Variants in MACROD2 observed in about 807,000 individuals in gnomAD.
MACROD2 encodes the protein mono-ADP ribosylhydrolase 2, also known as ADP-ribose glycohydrolase MACROD2.
In MACROD2, 36 loss-of-function variants were observed where a neutral mutation model predicts 70.4. The ratio of observed to expected loss-of-function variants is 0.51; its 90% CI spans 0.39 to 0.68. The LOEUF (loss-of-function observed/expected upper bound fraction) is 0.68, where lower values mean the gene tolerates loss of function less well. Ranked by LOEUF, MACROD2 falls within the 30% of genes least tolerant of loss-of-function variation. The probability of loss-of-function intolerance (pLI) is 0.00; values close to 1 mark genes in which losing one functional copy is unlikely to be tolerated. For synonymous variants in MACROD2, 172 were observed against 178.8 expected, an observed-to-expected ratio of 0.96 and a Z score of 0.30; for missense variants, 496 against 538.4, an observed-to-expected ratio of 0.92 and a Z score of 0.78.
At chr20:15,979,978 C>T (rs1055470788) in intron 13 of MACROD2, among the ~76,000 whole-genome samples, 4 of 152,100 alleles carry the variant, frequency 2.6e-5, no homozygotes, top group Admixed American at 6.5e-5. Context: ...CCGAGCTCCC[C>T]GAATGCACAA....
chr20:15,717,971 T>A (rs1051310960), intron 8 of MACROD2, among the ~76,000 whole-genome samples: 1 of 151,932 alleles, frequency 6.6e-6, no homozygotes, highest in Non-Finnish European at 1.5e-5. Flanking sequence ...GGTCCTGAAA[T>A]GTCCTCATAG....
chr20:14,567,642 G>A (rs1374211891), intron 4 of MACROD2, among the ~76,000 whole-genome samples: 1 of 151,950 alleles, frequency 6.6e-6, no homozygotes, highest in Non-Finnish European at 1.5e-5. Flanking sequence ...TTTGATGGTT[G>A]GCTCCTCCTT....
rs193175263 is a variant in MACROD2, at chr20:15,019,168, C to T, written c.419-210772C>T. Among the ~76,000 whole-genome samples the T allele has an allele frequency of 8.3e-4, 126 of 152,010 alleles. 1 individual carries two copies. The highest frequency in any genetic ancestry group is 6.4e-3 in the East Asian group (33 of 5,156). ...CTTCCTCTGAACACACACACACGCG[C>T]GCGCGCGCGCGGAGAGAGTTTTCTT... On this transcript the variant is annotated intron_variant, in intron 5 of 17. Coordinates refer to ENST00000684519, the MANE Select transcript of MACROD2 (RefSeq NM_001351661.2).
intron 5 of MACROD2, among the ~76,000 whole-genome samples, chr20:15,017,420 C>T (rs2075130189): frequency 4.6e-5 from 7 of 152,192 alleles, no homozygotes; most frequent in Admixed American, 4.6e-4. Context: ...CAGCCTTCTT[C>T]CTGGCTGCTT....
intron 5 of MACROD2, among the ~76,000 whole-genome samples, chr20:14,903,039 C>CTTTTTTTTT (rs11483540): frequency 8.6e-6 from 1 of 116,756 alleles, no homozygotes; most frequent in African/African-American, 3.3e-5. Flanking sequence ...TTTTCTTTCC[C>CTTTTTTTTT]TTTTTTTTTT....
chr20:14,778,432 T>C (rs2072259980), intron 5 of MACROD2, among the ~76,000 whole-genome samples: 1 of 152,092 alleles, frequency 6.6e-6, no homozygotes, highest in South Asian at 2.1e-4. Flanking sequence ...TGTTCCCTTA[T>C]GTTGTAATTT....
At chr20:15,993,768 A>G (rs1458864961) in intron 15 of MACROD2, among the ~76,000 whole-genome samples, 1 of 152,206 alleles carries the variant, frequency 6.6e-6, no homozygotes, top group African/African-American at 2.4e-5. Flanking sequence ...ACAGGACAAT[A>G]CAACATATCC....
At chr20:14,647,080 C>T (rs1003456477) in intron 4 of MACROD2, among the ~76,000 whole-genome samples, 52 of 152,212 alleles carry the variant, frequency 3.4e-4, no homozygotes, top group African/African-American at 1.2e-3. Context: ...TCAGCATTTT[C>T]CCTCTAAAAC....
chr20:14,028,673 AG>A (rs2053209377), intron 2 of MACROD2, among the ~76,000 whole-genome samples: 1 of 152,142 alleles, frequency 6.6e-6, no homozygotes, highest in Non-Finnish European at 1.5e-5. Flanking sequence ...TGGCTAGGGA[AG>A]GGAGTTCTCC....
At chr20:15,712,720 C>A (rs1342070863) in intron 8 of MACROD2, among the ~76,000 whole-genome samples, 3 of 152,206 alleles carry the variant, frequency 2.0e-5, no homozygotes, top group Admixed American at 1.3e-4. Context: ...GGTCTCCTAA[C>A]CTTGCCTTTG....
chr20:15,499,917 G>A, intron 8 of MACROD2, 70 bp downstream of exon 8: 14 of 1,459,770 alleles, frequency 9.6e-6, no homozygotes, highest in African/African-American at 1.4e-5. Flanking sequence ...CCCCAAAAAA[G>A]CACATAAATT....
At chr20:14,644,183 C>A (rs1447938847) in intron 4 of MACROD2, among the ~76,000 whole-genome samples, 3 of 152,150 alleles carry the variant, frequency 2.0e-5, no homozygotes, top group South Asian at 2.1e-4. Context: ...GTTTTATATT[C>A]TTTGCGTCTA....
rs533029648 is a variant in MACROD2 at position 15,149,768 on chromosome 20, G to A, written c.419-80172G>A. 9.2e-5 allele frequency among the ~76,000 whole-genome samples: 14 copies of A among 152,124 alleles called. No homozygotes were observed. In the South Asian group the frequency reaches 1.2e-3, roughly 14 times the overall value. ...TGTTTGGACAAAGAAGCTACAGGAC[G>A]CAATCCCGGTCCTTGTGTAAGAATT... On this transcript the variant is annotated intron_variant, in intron 5 of 17. Transcript: ENST00000684519.
intron 3 of MACROD2, among the ~76,000 whole-genome samples, chr20:14,450,818 C>T (rs955994009): frequency 1.3e-5 from 2 of 151,868 alleles, no homozygotes; most frequent in East Asian, 1.9e-4. Context: ...AAGGTGGGGA[C>T]GAATTCCGAA....
chr20:15,818,699 A>G (rs905203932), intron 8 of MACROD2, among the ~76,000 whole-genome samples: 1 of 152,146 alleles, frequency 6.6e-6, no homozygotes, highest in Admixed American at 6.6e-5. Flanking sequence ...CCCAGTCTCT[A>G]TTCAGGATGA....
At chr20:14,766,110 A>G (rs1333682014) in intron 5 of MACROD2, among the ~76,000 whole-genome samples, 2 of 149,824 alleles carry the variant, frequency 1.3e-5, no homozygotes, top group East Asian at 3.9e-4. Flanking sequence ...TGTTTATCTC[A>G]GAAGACATTT....
At chr20:15,894,413 C>T (rs1456143968) in intron 10 of MACROD2, among the ~76,000 whole-genome samples, 1 of 152,132 alleles carries the variant, frequency 6.6e-6, no homozygotes, top group Non-Finnish European at 1.5e-5. Context: ...AATCACTGTC[C>T]CCTCACAGGC....
chr20:15,071,512 T>C (rs2123108104), intron 5 of MACROD2, among the ~76,000 whole-genome samples: 1 of 152,322 alleles, frequency 6.6e-6, no homozygotes, highest in South Asian at 2.1e-4. Flanking sequence ...TGTAATGCTA[T>C]TTGAAACTTT....
chr20:15,334,694 A>G (rs1440601627), intron 6 of MACROD2, among the ~76,000 whole-genome samples: 2 of 151,698 alleles, frequency 1.3e-5, no homozygotes, highest in Non-Finnish European at 2.9e-5. Context: ...GGAAAGTCTC[A>G]TATATACATA....
Sources: allele counts gnomAD v4.1 joint callset (sites outside exome capture counted in the v4.1 genomes callset), GRCh38; gene constraint gnomAD v4.1.1; transcripts MANE v1.5; gene names NCBI Gene and HGNC (gene_info 2026-07-23, HGNC 2026-07-21).